Variants in TSNAX observed in about 807,000 individuals in gnomAD.
The protein encoded by TSNAX is translin associated factor X.
In TSNAX, 12 loss-of-function variants were observed where a neutral mutation model predicts 33.0. The ratio of observed to expected loss-of-function variants is 0.36; its 90% confidence interval spans 0.23 to 0.59. The LOEUF is 0.59. Among genes scored for constraint, TSNAX ranks in the 20% least tolerant of loss-of-function variants. The pLI is 0.74. For missense variants in TSNAX, 267 were observed against 341.3 expected (o/e 0.78, Z 1.72); for synonymous variants, 110 against 117.2 (o/e 0.94, Z 0.40).
intron 2 of TSNAX, among the ~76,000 whole-genome samples, chr1:231,529,984 C>T (rs1658562064): frequency 6.6e-6 from 1 of 152,196 alleles, no homozygotes; most frequent in South Asian, 2.1e-4. Flanking sequence ...TTGCAATCAC[C>T]TGAAGCCTTG....
chr1:231,552,863 C>A (rs952891056), intron 4 of TSNAX, among the ~76,000 whole-genome samples: 6 of 152,112 alleles, frequency 3.9e-5, no homozygotes, highest in Non-Finnish European at 1.5e-5. Flanking sequence ...TGGCCTCTTG[C>A]GTCTGGTTTC....
At chr1:231,543,825 T>C (rs1659730881) in intron 4 of TSNAX, among the ~76,000 whole-genome samples, 1 of 152,212 alleles carries the variant, frequency 6.6e-6, no homozygotes, top group Non-Finnish European at 1.5e-5. Context: ...TCATAATTTA[T>C]TAATATCAGG....
In TSNAX at chr1:231,565,039, G is replaced by A. The variant is rs774838247; in HGVS notation, c.*134G>A. 1.6e-5 allele frequency: 18 copies of A among 1,104,366 alleles called. No individual in the cohort carries two copies. The highest frequency in any genetic ancestry group is 2.1e-5 in the Non-Finnish European group (17 of 795,468). 68.4% of individuals were successfully genotyped at this position (1,104,366 alleles called of 1,614,324 possible). A position where few individuals can be genotyped will look rare whatever the true frequency, so the allele number is the denominator to read the frequency against. ...TATTCAGTTGTACTTGTTTTAAATT[G>A]TATACAAGCTGTACATAAAATTAGC... is the stretch of plus-strand genomic sequence containing the variant. On this transcript the variant is annotated 3_prime_UTR_variant, in exon 6 of 6. Coordinates refer to ENST00000366639, the MANE Select transcript of TSNAX (RefSeq NM_005999.3).
Position 231,564,669 on chromosome 1 carries a change from A to G in TSNAX, c.637A>G (p.Thr213Ala), listed in dbSNP as rs1558141216. Residue 213 changes from threonine (T) to alanine (A), a missense_variant, in exon 6 of 6, where the codon ACC becomes GCC. Physicochemically the swap from Thr to Ala is moderately conservative, Grantham distance 58. Transcript: ENST00000366639. ...INSVGNGDID[T>A]PFEVSQFLRQ... The stretch of plus-strand genomic sequence containing the variant: ...CAGTGTGGGGAATGGGGACATTGAT[A>G]CCCCCTTTGAAGTGAGCCAGTTTTT... The G allele has an allele frequency of 6.2e-7, 1 of 1,613,834 alleles. No individual in the cohort carries two copies. Among genetic ancestry groups the G allele is most frequent in the Admixed American group, 1.7e-5 (1 of 59,966 alleles).
At chr1:231,558,086 C>G (rs1660804839) in intron 4 of TSNAX, among the ~76,000 whole-genome samples, 1 of 152,106 alleles carries the variant, frequency 6.6e-6, no homozygotes, top group African/African-American at 2.4e-5. Context: ...GAGGTCCAGA[C>G]CATGCTGGAG....
chr1:231,537,255 G>T lies in TSNAX; in HGVS notation c.164G>T (p.Arg55Ile), dbSNP rs1301719579. The T allele has an allele frequency of 5.0e-6, 8 of 1,613,658 alleles. No homozygotes were observed. The East Asian group carries it at 1.8e-4, about 36-fold the overall frequency. ...ELDARHDKYE[R>I]LVKLSRDITV... ...GATGCAAGGCATGACAAATATGAGA[G>T]ACTTGTGAAACTTAGTCGGGATATA... The change falls in exon 3 of 6, where the codon AGA becomes ATA. Residue 55 changes from arginine to isoleucine, a missense_variant. Around this residue, in one of 2 missense-constraint regions of TSNAX, gnomAD observed 200 missense variants for 214.1 expected, o/e 0.93. Coordinates refer to ENST00000366639, the MANE Select transcript of TSNAX (RefSeq NM_005999.3).
chr1:231,532,940 T>G (rs1658875223), intron 2 of TSNAX, among the ~76,000 whole-genome samples: 1 of 152,230 alleles, frequency 6.6e-6, no homozygotes, highest in Admixed American at 6.5e-5. Context: ...GCCATTTGTA[T>G]TCTAAGAAAA....
intron 3 of TSNAX, among the ~76,000 whole-genome samples, chr1:231,538,495 C>T (rs1394386217): frequency 6.6e-6 from 1 of 152,118 alleles, no homozygotes; most frequent in Non-Finnish European, 1.5e-5. Context: ...TTCATTTGAC[C>T]TGATTCCTTT....
At chr1:231,530,026 GT>G (rs1236607596) in intron 2 of TSNAX, among the ~76,000 whole-genome samples, 1 of 152,204 alleles carries the variant, frequency 6.6e-6, no homozygotes, top group Non-Finnish European at 1.5e-5. Context: ...GCTGTTGATA[GT>G]TTAGGCCTTT....
At chr1:231,537,059 T>C in intron 2 of TSNAX, 154 bp from the exon 3 acceptor site, 5 of 510,510 alleles carry the variant, frequency 9.8e-6, no homozygotes, top group South Asian at 5.1e-5. Context: ...TCTTGATCTC[T>C]TGACCTCATG....
At chr1:231,544,988 T>C (rs912401046) in intron 4 of TSNAX, among the ~76,000 whole-genome samples, 1 of 152,224 alleles carries the variant, frequency 6.6e-6, no homozygotes, top group Admixed American at 6.5e-5. Context: ...AACTTACTCA[T>C]GGATTAAAAT....
intron 1 of TSNAX, 136 bp downstream of exon 1, chr1:231,528,962 C>A: frequency 8.2e-7 from 1 of 1,213,624 alleles, no homozygotes; most frequent in Non-Finnish European, 1.2e-6. Flanking sequence ...CTCTGTTTCT[C>A]TCCCCGGCCA....
At chr1:231,551,780 C>G (rs147436691) in intron 4 of TSNAX, among the ~76,000 whole-genome samples, 3 of 148,222 alleles carry the variant, frequency 2.0e-5, no homozygotes, top group Non-Finnish European at 3.0e-5. Flanking sequence ...TTAGCAAAAC[C>G]CTGTCTCTAC....
chr1:231,562,197 TTAC>T (rs1661163950), intron 5 of TSNAX, among the ~76,000 whole-genome samples: 1 of 148,432 alleles, frequency 6.7e-6, no homozygotes, highest in South Asian at 2.1e-4. Context: ...TTAATTTAAT[TTAC>T]TAAATATTAA....
chr1:231,542,790 T>A (rs1659662294), intron 4 of TSNAX, 179 bp downstream of exon 4: 1 of 636,608 alleles, frequency 1.6e-6, no homozygotes, highest in Non-Finnish European at 2.7e-6. Flanking sequence ...ATGTTTTTTT[T>A]AACAGTGTAG....
At chr1:231,529,979 A>G (rs540733530) in intron 2 of TSNAX, among the ~76,000 whole-genome samples, 6 of 152,284 alleles carry the variant, frequency 3.9e-5, no homozygotes, top group African/African-American at 7.2e-5. Flanking sequence ...CCTATTTGCA[A>G]TCACCTGAAG....
chr1:231,546,719 T>C (rs952759256), intron 4 of TSNAX, among the ~76,000 whole-genome samples: 3 of 152,248 alleles, frequency 2.0e-5, no homozygotes, highest in Admixed American at 6.5e-5. Flanking sequence ...TCGTTATCTT[T>C]CTCTCTTGAA....
chr1:231,544,472 T>C (rs578204965), intron 4 of TSNAX, among the ~76,000 whole-genome samples: 2 of 152,240 alleles, frequency 1.3e-5, no homozygotes, highest in Non-Finnish European at 2.9e-5. Flanking sequence ...AATTCACATA[T>C]TTTCCCCAAA....
chr1:231,529,160 A>G (rs1658478756), intron 1 of TSNAX, 95 bp from the exon 2 acceptor site: 2 of 1,252,030 alleles, frequency 1.6e-6, no homozygotes, highest in African/African-American at 3.0e-5. Flanking sequence ...CCCTGTGGGT[A>G]TCTGGTTTTA....
Sources: allele counts gnomAD v4.1 joint callset (sites outside exome capture counted in the v4.1 genomes callset), GRCh38; gene constraint gnomAD v4.1.1; regional missense constraint gnomAD v4.1.1; transcripts MANE v1.5; gene names NCBI Gene and HGNC (gene_info 2026-07-23, HGNC 2026-07-21).